TLE2: variants seen among roughly 807,000 people sequenced by gnomAD.
TLE2 encodes the protein transducin-like enhancer protein 2.
TLE2 carries 74 observed loss-of-function variants against 97.2 expected under a neutral mutation model. The observed-to-expected ratio is 0.76, with a 90% CI of 0.63 to 0.92. The LOEUF is 0.92. TLE2 is among the 40% of genes least tolerant of loss of function. The pLI, the probability that TLE2 is intolerant of heterozygous loss-of-function variation, is 0.00. For synonymous variants in TLE2, 499 were observed against 432.1 expected (o/e 1.15, Z -1.92); for missense variants, 1,038 against 1,008.7 (o/e 1.03, Z -0.39).
rs1473612948 is a variant in TLE2 at position 3,019,511 on chromosome 19, C to T, written c.370-48G>A. The stretch of plus-strand genomic sequence containing the variant: ...GGCCGGGGCGGGGGGCGGCAGGAGC[C>T]CAGCGGTCCCCAGCCCAAGAGGTAG... On this transcript the variant is annotated intron_variant, in intron 6 of 19. Transcript: ENST00000262953. The surrounding 1 kb of genome is among the most constrained non-coding windows in gnomAD (Gnocchi z 5.1). 4 of 1,480,328 alleles carry T rather than the reference C, an allele frequency of 2.7e-6. No individual in the cohort carries two copies. In the Middle Eastern group the frequency reaches 7.1e-4, roughly 261 times the overall value. 91.7% of individuals were successfully genotyped at this position (1,480,328 alleles called of 1,614,324 possible).
intron 15 of TLE2, 55 bp from the exon 16 acceptor site, chr19:3,006,023 G>A: frequency 6.3e-7 from 1 of 1,597,462 alleles, no homozygotes. Context: ...GAGGTCTCTA[G>A]GAGCCTAGCT....
rs780013316 is a variant in TLE2 at position 3,015,768 on chromosome 19, G to A, written c.571-8C>T. 1.3e-6 allele frequency: 2 copies of A among 1,597,098 alleles called. No homozygotes were observed. The highest frequency in any genetic ancestry group is 1.7e-4 in the Middle Eastern group (1 of 6,038). ...GGGCGAGGGAGATGCACTCTGCGGA[G>A]AGACAAAGGCCGGGGGGAGAAAGGG... On this transcript the variant is annotated splice_region_variant and splice_polypyrimidine_tract_variant and intron_variant, in intron 8 of 19. Transcript: ENST00000262953.
intron 1 of TLE2, among the ~76,000 whole-genome samples, chr19:3,042,143 T>C (rs1222711186): frequency 1.4e-5 from 1 of 71,250 alleles, no homozygotes; most frequent in South Asian, 4.4e-4. Flanking sequence ...GAGAAGGGGG[T>C]GTAGGAGGGA....
chr19:3,022,287 C>T (rs2089859603), intron 5 of TLE2, among the ~76,000 whole-genome samples: 1 of 151,848 alleles, frequency 6.6e-6, no homozygotes, highest in Non-Finnish European at 1.5e-5. Flanking sequence ...TTTGGGAGGC[C>T]GAGCCAGATG....
In TLE2 at chr19:3,018,598, T is replaced by A. The variant is rs997739456; in HGVS notation, c.550+685A>T. 5.3e-5 allele frequency among the ~76,000 whole-genome samples: 8 copies of A among 150,474 alleles called. No individual in the cohort carries two copies. The East Asian group carries it at 1.6e-3, about 30-fold the overall frequency. Reference sequence around the variant, plus strand: ...GTGAACCACCGTGCCTGGCTATCTATTTTTATTTATTTATTTATTTATTTT... The same window carrying A: ...GTGAACCACCGTGCCTGGCTATCTAATTTTATTTATTTATTTATTTATTTT... On this transcript the variant is annotated intron_variant, in intron 7 of 19. Coordinates refer to ENST00000262953, the MANE Select transcript of TLE2 (RefSeq NM_003260.5).
rs915892853 is a variant in TLE2 at position 3,036,807 on chromosome 19, T to G, written c.64-8004A>C. 5.9e-5 allele frequency among the ~76,000 whole-genome samples: 9 copies of G among 152,148 alleles called. No homozygotes were observed. The South Asian group carries it at 1.9e-3, about 32-fold the overall frequency. ...AGCCAGGGCTGACCTTGGTGGAAAC[T>G]CAAGGAGGGGCTCCCAAGTTTGGGA... On this transcript the variant is annotated intron_variant, in intron 1 of 18. Coordinates refer to the TLE2 transcript ENST00000426948.
intron 19 of TLE2, among the ~76,000 whole-genome samples, chr19:2,999,630 G>A (rs1386653129): frequency 6.6e-6 from 1 of 151,824 alleles, no homozygotes; most frequent in Non-Finnish European, 1.5e-5. Flanking sequence ...GGGAGGCTGA[G>A]GCAGGAGAAT....
intron 1 of TLE2, among the ~76,000 whole-genome samples, chr19:3,040,029 G>A (rs2090088698): frequency 6.6e-6 from 1 of 152,228 alleles, no homozygotes. Flanking sequence ...GGCCCAGCGG[G>A]GACAATTTGG....
intron 11 of TLE2, 63 bp downstream of exon 11, chr19:3,013,606 G>T: frequency 7.7e-7 from 1 of 1,302,102 alleles, no homozygotes; most frequent in Non-Finnish European, 9.9e-7. Flanking sequence ...TCATGGGGTA[G>T]CGTCTGCTTC....
intron 5 of TLE2, among the ~76,000 whole-genome samples, chr19:3,023,573 C>T (rs1224211585): frequency 6.6e-6 from 1 of 152,130 alleles, no homozygotes; most frequent in Non-Finnish European, 1.5e-5. Flanking sequence ...TCACGTCTCT[C>T]TGAAGAGAGA....
chr19:3,039,181 T>C (rs1599255927), intron 1 of TLE2, among the ~76,000 whole-genome samples: 1 of 142,728 alleles, frequency 7.0e-6, no homozygotes, highest in Non-Finnish European at 1.5e-5. Flanking sequence ...GCCATTGCAC[T>C]CCAGGCTGGC....
At chr19:3,000,894 T>C (rs764090166) in intron 18 of TLE2, among the ~76,000 whole-genome samples, 171 bp from the exon 19 acceptor site, 1 of 147,158 alleles carries the variant, frequency 6.8e-6, no homozygotes, top group African/African-American at 2.5e-5. Flanking sequence ...GGTACAATCA[T>C]AGCTCACTGC....
chr19:3,001,506 G>T (rs1356242271), intron 18 of TLE2, among the ~76,000 whole-genome samples: 1 of 152,020 alleles, frequency 6.6e-6, no homozygotes, highest in South Asian at 2.1e-4. Context: ...TTTAAAAAGA[G>T]ATAGGGTCTC....
chr19:3,031,542 C>A (rs1475202823), upstream of TLE2, among the ~76,000 whole-genome samples: 6 of 152,084 alleles, frequency 3.9e-5, no homozygotes, highest in Non-Finnish European at 5.9e-5. Context: ...GTTGCCCAGG[C>A]TGGTCTTGCA....
intron 4 of TLE2, chr19:3,025,312 C>A (rs1219295696): frequency 2.6e-5 from 34 of 1,285,330 alleles, no homozygotes; most frequent in Middle Eastern, 5.6e-4. Context: ...GCTGGGAAGA[C>A]CAGGGCTGAG....
intron 11 of TLE2, among the ~76,000 whole-genome samples, chr19:3,011,875 G>T (rs868352267): frequency 6.6e-6 from 1 of 151,526 alleles, no homozygotes; most frequent in African/African-American, 2.4e-5. Flanking sequence ...CAAAAAAAAG[G>T]CAACAAAGTT....
upstream of TLE2, among the ~76,000 whole-genome samples, chr19:3,029,389 C>T (rs560260261): frequency 8.3e-3 from 1,226 of 147,446 alleles, 21 homozygotes; most frequent in African/African-American, 0.029. Context: ...CCGCGCCCCC[C>T]CCGGCCCCCG....
At chr19:3,018,498 G>A (rs946579794) in intron 7 of TLE2, among the ~76,000 whole-genome samples, 5 of 151,794 alleles carry the variant, frequency 3.3e-5, no homozygotes, top group Admixed American at 2.6e-4. Flanking sequence ...TCACCACGTT[G>A]ACCAGGCTGG....
intron 16 of TLE2, 58 bp downstream of exon 16, chr19:3,005,663 C>A: frequency 6.2e-7 from 1 of 1,606,884 alleles, no homozygotes; most frequent in East Asian, 2.2e-5. Flanking sequence ...TCCTCCACTC[C>A]CCCTGCACCG....
Sources: allele counts gnomAD v4.1 joint callset (sites outside exome capture counted in the v4.1 genomes callset), GRCh38; gene constraint gnomAD v4.1.1; non-coding constraint Gnocchi (gnomAD v3.1); transcripts MANE v1.5; gene names NCBI Gene and HGNC (gene_info 2026-07-23, HGNC 2026-07-21).